B3GALT1: variants seen among roughly 807,000 people sequenced by gnomAD.
B3GALT1 encodes the protein UDP-Gal:betaGlcNAc beta 1,3-galactosyltransferase, polypeptide 1.
A neutral mutation model predicts 23.2 loss-of-function variants in B3GALT1; 10 were observed. That is an observed-to-expected ratio of 0.43 (90% confidence interval 0.27 to 0.73). The LOEUF (loss-of-function observed/expected upper bound fraction) is 0.73, where lower values mean the gene tolerates loss of function less well. Ranked by LOEUF, B3GALT1 falls within the 30% of genes least tolerant of loss-of-function variation. The pLI is 0.21. For missense variants in B3GALT1, 299 were observed against 405.4 expected, an observed-to-expected ratio of 0.74 and a Z score of 2.25; for synonymous variants, 156 against 141.5, an observed-to-expected ratio of 1.10 and a Z score of -0.73.
At chr2:167,665,012 T>A (rs1257025832) in intron 3 of B3GALT1, among the ~76,000 whole-genome samples, 1 of 151,486 alleles carries the variant, frequency 6.6e-6, no homozygotes, top group African/African-American at 2.4e-5. Context: ...GAATAGGAGT[T>A]GTGAGAGAGG....
intron 2 of B3GALT1, among the ~76,000 whole-genome samples, chr2:167,599,279 G>A (rs1049402307): frequency 9.2e-5 from 14 of 152,118 alleles, no homozygotes; most frequent in African/African-American, 3.4e-4. Context: ...ATTATGTTTT[G>A]TGTGACTTTT....
chr2:167,813,227 C>CTCA (rs1688927285), intron 3 of B3GALT1, among the ~76,000 whole-genome samples: 1 of 152,142 alleles, frequency 6.6e-6, no homozygotes, highest in African/African-American at 2.4e-5. Context: ...CTAGCTATAT[C>CTCA]TCATCAATTC....
intron 1 of B3GALT1, among the ~76,000 whole-genome samples, chr2:167,390,330 A>G (rs1209141571): frequency 6.6e-6 from 1 of 152,178 alleles, no homozygotes; most frequent in Admixed American, 6.5e-5. Context: ...CTACTCTTCA[A>G]AGAAAATGAG....
intron 2 of B3GALT1, among the ~76,000 whole-genome samples, chr2:167,617,706 A>G (rs1193869525): frequency 6.6e-6 from 1 of 152,026 alleles, no homozygotes; most frequent in African/African-American, 2.4e-5. Context: ...TTAGAACCAT[A>G]AGGAAAGTTT....
rs201430322 is a variant in B3GALT1, at chr2:167,791,329, G to GA, written c.-351-27334dup. On this transcript the variant is annotated intron_variant, in intron 3 of 4. Transcript: ENST00000392690. The stretch of plus-strand genomic sequence containing the variant: ...CTACTTTCGCAGTTTTTATCACACT[G>GA]AAAAAAAAATCCAGATGTAGGTAAT... Among the ~76,000 whole-genome samples the GA allele has an allele frequency of 3.5e-4, 53 of 151,042 alleles. No individual in the cohort carries two copies. In the East Asian group the frequency reaches 7.2e-3, roughly 20 times the overall value.
intron 2 of B3GALT1, among the ~76,000 whole-genome samples, chr2:167,578,786 A>C (rs140299907): frequency 5.5e-4 from 83 of 152,164 alleles, no homozygotes; most frequent in African/African-American, 2.0e-3. Context: ...AACATGTTCC[A>C]GGGAAATCCC....
At chr2:167,816,173 C>G (rs989630483) in intron 3 of B3GALT1, among the ~76,000 whole-genome samples, 7 of 152,076 alleles carry the variant, frequency 4.6e-5, no homozygotes, top group African/African-American at 1.7e-4. Flanking sequence ...GGATAATGTT[C>G]AGTTCATTCT....
intron 3 of B3GALT1, among the ~76,000 whole-genome samples, chr2:167,797,309 A>C (rs899732323): frequency 1.3e-5 from 2 of 152,210 alleles, no homozygotes; most frequent in Non-Finnish European, 2.9e-5. Flanking sequence ...ACATGAACTC[A>C]TTCGTTTTTA....
rs1696951319 is a variant in B3GALT1, at chr2:167,330,179, C to T, written c.-511+36845C>T. Among the ~76,000 whole-genome samples the T allele has an allele frequency of 2.0e-5, 3 of 151,200 alleles. No homozygotes were observed. The South Asian group carries it at 6.2e-4, about 31-fold the overall frequency. ...TATATTTGGTTGCTTTATGGTGTCC[C>T]ATATGTCACAAAGGCATTGCTCATT... On this transcript the variant is annotated intron_variant, in intron 1 of 4. Coordinates refer to ENST00000392690, the MANE Select transcript of B3GALT1 (RefSeq NM_020981.4).
At chr2:167,412,693 A>G (rs1169727985) in intron 1 of B3GALT1, among the ~76,000 whole-genome samples, 2 of 152,098 alleles carry the variant, frequency 1.3e-5, no homozygotes, top group Admixed American at 1.3e-4. Flanking sequence ...ACTAAAGTTG[A>G]ACATATTGTA....
At chr2:167,578,198 A>G (rs1684418396) in intron 2 of B3GALT1, among the ~76,000 whole-genome samples, 1 of 151,958 alleles carries the variant, frequency 6.6e-6, no homozygotes, top group Admixed American at 6.6e-5. Context: ...GGAAAGGGCC[A>G]TTCAGATATC....
At chr2:167,632,998 T>A (rs747580001) in intron 2 of B3GALT1, among the ~76,000 whole-genome samples, 6 of 152,038 alleles carry the variant, frequency 3.9e-5, no homozygotes, top group Non-Finnish European at 7.4e-5. Flanking sequence ...GGGGTCCGGT[T>A]TCAGTTTTCT....
chr2:167,689,951 G>T (rs1344846229), intron 3 of B3GALT1, among the ~76,000 whole-genome samples: 2 of 152,090 alleles, frequency 1.3e-5, no homozygotes, highest in Admixed American at 1.3e-4. Flanking sequence ...GAGCAGAAAT[G>T]GGAATAAGGG....
intron 3 of B3GALT1, among the ~76,000 whole-genome samples, chr2:167,659,259 G>A (rs1019564912): frequency 4.6e-5 from 7 of 151,594 alleles, no homozygotes; most frequent in Admixed American, 3.3e-4. Flanking sequence ...GTGGTGGGGA[G>A]GGGTGTTGTA....
At chr2:167,828,499 T>A (rs938212165) in intron 4 of B3GALT1, among the ~76,000 whole-genome samples, 2 of 152,202 alleles carry the variant, frequency 1.3e-5, no homozygotes, top group African/African-American at 4.8e-5. Context: ...TTTTCCTGCA[T>A]AAGAGATGAG....
At chr2:167,552,779 T>A (rs1427495734) in intron 2 of B3GALT1, among the ~76,000 whole-genome samples, 2 of 152,228 alleles carry the variant, frequency 1.3e-5, no homozygotes, top group African/African-American at 4.8e-5. Context: ...AAATACTTTT[T>A]CCTTTGGGAA....
intron 4 of B3GALT1, among the ~76,000 whole-genome samples, chr2:167,854,980 C>G (rs1689971380): frequency 6.6e-6 from 1 of 152,116 alleles, no homozygotes; most frequent in Non-Finnish European, 1.5e-5. Context: ...GCCTTTTAAC[C>G]TAGGATTGCA....
At chr2:167,547,892 AT>A (rs1558900581) in intron 2 of B3GALT1, among the ~76,000 whole-genome samples, 1 of 152,130 alleles carries the variant, frequency 6.6e-6, no homozygotes, top group Non-Finnish European at 1.5e-5. Flanking sequence ...CTAAATGACA[AT>A]TTCCACTGGC....
At chr2:167,816,157 C>T (rs1307230341) in intron 3 of B3GALT1, among the ~76,000 whole-genome samples, 1 of 152,098 alleles carries the variant, frequency 6.6e-6, no homozygotes, top group East Asian at 1.9e-4. Flanking sequence ...ATGTCATTAT[C>T]TCTTAGGATA....
Sources: gnomAD v4.1 joint callset for allele counts (sites outside exome capture counted in the v4.1 genomes callset) on GRCh38, gnomAD v4.1.1 for gene constraint, MANE v1.5 for transcripts, NCBI Gene and HGNC (gene_info 2026-07-23, HGNC 2026-07-21) for gene names.